Variants in TMEM132D observed in about 807,000 individuals in gnomAD.
TMEM132D encodes the protein transmembrane protein 132D.
A neutral mutation model predicts 62.3 loss-of-function variants in TMEM132D; 21 were observed. The observed-to-expected ratio is 0.34, with a 90% CI of 0.24 to 0.49. The LOEUF is 0.49. Ranked by LOEUF, TMEM132D falls within the 20% of genes least tolerant of loss-of-function variation. The pLI, the probability that TMEM132D is intolerant of heterozygous loss-of-function variation, is 0.99. For synonymous variants in TMEM132D, 621 were observed against 575.6 expected (o/e 1.08, Z -1.13); for missense variants, 1,346 against 1,402.8 (o/e 0.96, Z 0.65).
chr12:129,104,911 G>A lies in TMEM132D; in HGVS notation c.1444-20209C>T, dbSNP rs930359108. On this transcript the variant is annotated intron_variant, in intron 5 of 8. Transcript: ENST00000422113. ...GGAAACAACAGGTGCTGAAGAGGAT[G>A]TGGAGAAATAGGAACAGTTTTACAC... Among the ~76,000 whole-genome samples, 13 of 147,322 alleles carry A rather than the reference G, an allele frequency of 8.8e-5. 1 individual carries two copies. The highest frequency in any genetic ancestry group is 3.4e-4 in the African/African-American group (13 of 37,944).
chr12:129,603,422 T>C (rs529100115), intron 2 of TMEM132D, among the ~76,000 whole-genome samples: 1 of 152,354 alleles, frequency 6.6e-6, no homozygotes, highest in Admixed American at 6.5e-5. Context: ...AATGGCCTTC[T>C]TTCCCTTGGT....
At chr12:129,078,513 G>A (rs753945598) in intron 8 of TMEM132D, 21 bp downstream of exon 8, 17 of 1,607,270 alleles carry the variant, frequency 1.1e-5, no homozygotes, top group Admixed American at 1.0e-4. Context: ...GCTGAAGTGT[G>A]TCTCAAGCCC....
At chr12:129,140,017 G>A (rs892584251) in intron 5 of TMEM132D, among the ~76,000 whole-genome samples, 1 of 151,862 alleles carries the variant, frequency 6.6e-6, no homozygotes, top group Non-Finnish European at 1.5e-5. Flanking sequence ...CTTCCAGTCA[G>A]AAACACGCAT....
intron 5 of TMEM132D, among the ~76,000 whole-genome samples, chr12:129,207,257 C>G (rs1373058408): frequency 1.3e-5 from 2 of 148,762 alleles, no homozygotes; most frequent in Non-Finnish European, 3.0e-5. Flanking sequence ...ATGAATACAG[C>G]ACCGCCCTCA....
chr12:129,776,721 T>G (rs1870937516), intron 1 of TMEM132D, among the ~76,000 whole-genome samples: 1 of 150,922 alleles, frequency 6.6e-6, no homozygotes, highest in Non-Finnish European at 1.5e-5. Context: ...TTCTAGCTTC[T>G]TAACTAGGAA....
rs745585082 is a variant in TMEM132D, at chr12:129,531,038, C to T, written c.1115+21G>A. ...ACATTTGCAGCTGATCTGAATATATCGGAGGCCAGTTGGGACTCACCTGTT... is the reference window on the plus strand; with the variant it reads ...ACATTTGCAGCTGATCTGAATATATTGGAGGCCAGTTGGGACTCACCTGTT... On this transcript the variant is annotated intron_variant, in intron 3 of 8. Coordinates refer to ENST00000422113, the MANE Select transcript of TMEM132D (RefSeq NM_133448.3). 53 of 1,590,490 alleles carry T rather than the reference C, an allele frequency of 3.3e-5. No homozygotes were observed. The Admixed American group carries it at 5.1e-4, about 15-fold the overall frequency.
intron 3 of TMEM132D, among the ~76,000 whole-genome samples, chr12:129,410,118 A>G (rs7959483): frequency 0.19 from 29,385 of 152,120 alleles, 2,979 homozygotes; most frequent in Non-Finnish European, 0.21. Flanking sequence ...CCACTATGGC[A>G]GCCATGAGTT....
At chr12:129,175,386 C>A (rs1391352110) in intron 5 of TMEM132D, among the ~76,000 whole-genome samples, 1 of 152,098 alleles carries the variant, frequency 6.6e-6, no homozygotes, top group Non-Finnish European at 1.5e-5. Context: ...CCACTTATTG[C>A]CAATCTGGTA....
At chr12:129,075,435 G>C (rs1874219439) in intron 8 of TMEM132D, among the ~76,000 whole-genome samples, 1 of 151,872 alleles carries the variant, frequency 6.6e-6, no homozygotes, top group African/African-American at 2.4e-5. Context: ...CTGGTTAGTG[G>C]AATCATTTAC....
In TMEM132D at chr12:129,075,558, C is replaced by T. The variant is rs540040313; in HGVS notation, c.2116-499G>A. On this transcript the variant is annotated intron_variant, in intron 8 of 8. Coordinates refer to ENST00000422113, the MANE Select transcript of TMEM132D (RefSeq NM_133448.3). Reference sequence around the variant, plus strand: ...AAAAGCCTCTGATCTAGATGAGGTCCCACTGCAGGGCTGCAGGCTGTGGTT... The same window carrying T: ...AAAAGCCTCTGATCTAGATGAGGTCTCACTGCAGGGCTGCAGGCTGTGGTT... Among the ~76,000 whole-genome samples, 3 of 151,498 alleles carry T rather than the reference C, an allele frequency of 2.0e-5. No individual in the cohort carries two copies. The South Asian group carries it at 6.3e-4, about 32-fold the overall frequency.
chr12:129,389,456 A>G (rs1162661436), intron 3 of TMEM132D, among the ~76,000 whole-genome samples: 1 of 151,966 alleles, frequency 6.6e-6, no homozygotes, highest in Non-Finnish European at 1.5e-5. Context: ...TAATACTAAC[A>G]CTAATGTCAC....
At chr12:129,172,102 A>G (rs1332456371) in intron 5 of TMEM132D, among the ~76,000 whole-genome samples, 2 of 152,206 alleles carry the variant, frequency 1.3e-5, no homozygotes, top group Non-Finnish European at 2.9e-5. Context: ...CTTCTGGAGA[A>G]CTTGCTGCAG....
At chr12:129,581,448 G>C (rs1877860581) in intron 2 of TMEM132D, among the ~76,000 whole-genome samples, 2 of 152,232 alleles carry the variant, frequency 1.3e-5, no homozygotes, top group Admixed American at 1.3e-4. Flanking sequence ...CAGGAAGCCA[G>C]TCTGAGTCCC....
chr12:129,316,651 C>A (rs1868496735), intron 4 of TMEM132D, among the ~76,000 whole-genome samples: 1 of 152,128 alleles, frequency 6.6e-6, no homozygotes, highest in African/African-American at 2.4e-5. Context: ...CTGTATATAT[C>A]TGTTAAGTCC....
In TMEM132D at chr12:129,679,695, A is replaced by G. The variant is rs1880731771; in HGVS notation, c.968+20115T>C. On this transcript the variant is annotated intron_variant, in intron 2 of 8. Transcript: ENST00000422113. The stretch of plus-strand genomic sequence containing the variant: ...TTGGCACTGTTTTAGTCCTCAATGC[A>G]TGTACTGGCTCTTTGATCTACTTTA... Among the ~76,000 whole-genome samples the G allele has an allele frequency of 3.3e-5, 5 of 152,158 alleles. No individual in the cohort carries two copies. The South Asian group carries it at 1.0e-3, about 32-fold the overall frequency.
chr12:129,376,242 G>A (rs1870775916), intron 3 of TMEM132D, among the ~76,000 whole-genome samples: 2 of 152,196 alleles, frequency 1.3e-5, no homozygotes, highest in African/African-American at 4.8e-5. Flanking sequence ...CTGAGACTGG[G>A]TGATGCATAA....
At chr12:129,604,736 G>A (rs1218033183) in intron 2 of TMEM132D, among the ~76,000 whole-genome samples, 3 of 152,204 alleles carry the variant, frequency 2.0e-5, no homozygotes, top group African/African-American at 7.2e-5. Flanking sequence ...ATCATACTTA[G>A]ATACTGAAGC....
At chr12:129,837,847 A>AAACC (rs1873055079) in intron 1 of TMEM132D, among the ~76,000 whole-genome samples, 1 of 152,238 alleles carries the variant, frequency 6.6e-6, no homozygotes, top group Non-Finnish European at 1.5e-5. Context: ...CCACCTGCAA[A>AAACC]TGAAAAAGTC....
rs139760655 is a variant in TMEM132D, at chr12:129,127,886, C to T, written c.1444-43184G>A. Among the ~76,000 whole-genome samples the T allele has an allele frequency of 5.0e-3, 754 of 152,316 alleles. 5 individuals carry two copies. Among genetic ancestry groups the T allele is most frequent in the African/African-American group, 0.017 (719 of 41,570 alleles). On this transcript the variant is annotated intron_variant, in intron 5 of 8. Coordinates refer to ENST00000422113, the MANE Select transcript of TMEM132D (RefSeq NM_133448.3). ...AGGGCCAGCGGCCTGCAGACGAGGCCGGCACTCACCTCTGCGGCCTCAAGT... is the reference window on the plus strand; with the variant it reads ...AGGGCCAGCGGCCTGCAGACGAGGCTGGCACTCACCTCTGCGGCCTCAAGT...
Sources: allele counts gnomAD v4.1 joint callset (sites outside exome capture counted in the v4.1 genomes callset), GRCh38; gene constraint gnomAD v4.1.1; transcripts MANE v1.5; gene names NCBI Gene and HGNC (gene_info 2026-07-23, HGNC 2026-07-21).